PLEKHA5: variants seen among roughly 807,000 people sequenced by gnomAD.
PLEKHA5 encodes the protein pleckstrin homology domain containing A5.
A neutral mutation model predicts 181.9 loss-of-function variants in PLEKHA5; 55 were observed. That is an observed-to-expected ratio of 0.30 (90% CI 0.24 to 0.38). PLEKHA5 has a LOEUF of 0.38. Ranked by LOEUF, PLEKHA5 falls within the 10% of genes least tolerant of loss-of-function variation. The pLI is 1.00. For synonymous variants in PLEKHA5, 535 were observed against 529.4 expected, an observed-to-expected ratio of 1.01 and a Z score of -0.15; for missense variants, 1,432 against 1,549.5, an observed-to-expected ratio of 0.92 and a Z score of 1.27.
intron 3 of PLEKHA5, among the ~76,000 whole-genome samples, chr12:19,148,324 T>C (rs2039480808): frequency 6.6e-6 from 1 of 152,246 alleles, no homozygotes; most frequent in African/African-American, 2.4e-5. Flanking sequence ...CCCAAAGTGC[T>C]GGGATTACAG....
At chr12:19,277,153 G>A (rs1300682331) in intron 11 of PLEKHA5, among the ~76,000 whole-genome samples, 1 of 110,790 alleles carries the variant, frequency 9.0e-6, no homozygotes, top group Non-Finnish European at 1.9e-5. Context: ...AAGCAGGTCT[G>A]GGGGGAAAAA....
In PLEKHA5 at chr12:19,197,477, ACCACACTCCTGAG is replaced by A. The variant is rs2053101226; in HGVS notation, c.228-56454_228-56442del. Among the ~76,000 whole-genome samples, 3 of 152,074 alleles carry A rather than the reference ACCACACTCCTGAG, an allele frequency of 2.0e-5. No individual in the cohort carries two copies. The South Asian group carries it at 6.2e-4, about 31-fold the overall frequency. On this transcript the variant is annotated intron_variant, in intron 3 of 31. Coordinates refer to ENST00000429027, the MANE Select transcript of PLEKHA5 (RefSeq NM_001256470.2). The stretch of plus-strand genomic sequence containing the variant: ...ACTCCTCTTTAATTTCACTACGGTA[ACCACACTCCTGAG>A]CCACACTCTGCTTTTTCTTTCATAG...
chr12:19,292,842 G>A (rs1180145734), intron 15 of PLEKHA5, among the ~76,000 whole-genome samples: 1 of 152,088 alleles, frequency 6.6e-6, no homozygotes, highest in Non-Finnish European at 1.5e-5. Context: ...GGGAGGCTGA[G>A]GCAGGAGAAT....
chr12:19,208,419 A>AAAAG (rs1555107976), intron 3 of PLEKHA5, among the ~76,000 whole-genome samples: 1 of 150,328 alleles, frequency 6.7e-6, no homozygotes, highest in Non-Finnish European at 1.5e-5. Context: ...AAAAAAAAAA[A>AAAAG]AAGTTCATTT....
intron 3 of PLEKHA5, among the ~76,000 whole-genome samples, chr12:19,225,066 GT>G (rs1388499231): frequency 6.6e-6 from 1 of 152,174 alleles, no homozygotes; most frequent in East Asian, 1.9e-4. Flanking sequence ...CGGGATGGCA[GT>G]TTTAAGACAA....
chr12:19,253,667 A>G (rs976832622), intron 3 of PLEKHA5, among the ~76,000 whole-genome samples: 1 of 151,812 alleles, frequency 6.6e-6, no homozygotes, highest in Non-Finnish European at 1.5e-5. Flanking sequence ...AAATACAAAA[A>G]ATTAACTGGG....
At chr12:19,354,314 G>C (rs1422392968) in intron 26 of PLEKHA5, among the ~76,000 whole-genome samples, 1 of 148,196 alleles carries the variant, frequency 6.7e-6, no homozygotes, top group African/African-American at 2.5e-5. Flanking sequence ...ACCACGCCCG[G>C]CTAATTTTTT....
intron 12 of PLEKHA5, among the ~76,000 whole-genome samples, chr12:19,287,164 A>T (rs1302162837): frequency 1.3e-5 from 2 of 151,764 alleles, no homozygotes; most frequent in Non-Finnish European, 2.9e-5. Context: ...CACCTGGCTA[A>T]TTTTTTATAC....
At chr12:19,316,245 G>A (rs1156724832) in intron 16 of PLEKHA5, among the ~76,000 whole-genome samples, 4 of 151,992 alleles carry the variant, frequency 2.6e-5, no homozygotes, top group Admixed American at 2.0e-4. Context: ...ATCACATTTT[G>A]CATATTTTAG....
At position 19,347,178 on chromosome 12, in the gene PLEKHA5, A is replaced by C; in HGVS notation, c.2894A>C (p.His965Pro). 2 of 1,529,018 alleles carry C rather than the reference A, an allele frequency of 1.3e-6. No individual in the cohort carries two copies. The highest frequency in any genetic ancestry group is 1.8e-6 in the Non-Finnish European group (2 of 1,127,348). The allele number at this position is 1,529,018 out of a possible 1,614,324, so 94.7% of individuals were successfully genotyped here. A position where few individuals can be genotyped will look rare whatever the true frequency, so the allele number is the denominator to read the frequency against. Residue 965 changes from histidine (H) to proline (P), a missense_variant, in exon 24 of 32, where the codon CAC (histidine) becomes CCC (proline). This residue lies in a region of PLEKHA5 where 1,143 missense variants were observed against 1,168.4 expected (regional missense o/e 0.98). Coordinates refer to ENST00000429027, the MANE Select transcript of PLEKHA5 (RefSeq NM_001256470.2). ...CAAGGATATCCAAGAAATGGATCTC[A>C]CTGTGTAAGTGGCTGGAATAGCCAC... ...QVQGYPRNGS[H>P]CGPDYRLYKS...
At chr12:19,241,881 T>G (rs2062687307) in intron 3 of PLEKHA5, among the ~76,000 whole-genome samples, 1 of 152,152 alleles carries the variant, frequency 6.6e-6, no homozygotes, top group African/African-American at 2.4e-5. Flanking sequence ...GCAGTCAATA[T>G]CACTTAATTC....
chr12:19,241,377 A>C (rs369211010), intron 3 of PLEKHA5, among the ~76,000 whole-genome samples: 1 of 152,206 alleles, frequency 6.6e-6, no homozygotes, highest in East Asian at 1.9e-4. Context: ...GTCTTGTTAC[A>C]ATGAGGTGGA....
At chr12:19,364,617 G>A (rs921848671) in intron 29 of PLEKHA5, among the ~76,000 whole-genome samples, 3 of 152,142 alleles carry the variant, frequency 2.0e-5, no homozygotes, top group Non-Finnish European at 4.4e-5. Flanking sequence ...AATCTGACAA[G>A]GATCTTTATA....
chr12:19,178,790 T>A (rs2047892329), intron 3 of PLEKHA5, among the ~76,000 whole-genome samples: 1 of 152,234 alleles, frequency 6.6e-6, no homozygotes, highest in South Asian at 2.1e-4. Context: ...TATGCAGTGA[T>A]GTCTGTGGAT....
At chr12:19,248,723 A>T (rs746101515) in intron 3 of PLEKHA5, among the ~76,000 whole-genome samples, 12 of 152,172 alleles carry the variant, frequency 7.9e-5, no homozygotes, top group Non-Finnish European at 1.5e-4. Flanking sequence ...CACAACTAAA[A>T]TCACCTAATA....
At chr12:19,139,254 G>A (rs865845408) in intron 3 of PLEKHA5, among the ~76,000 whole-genome samples, 13 of 152,138 alleles carry the variant, frequency 8.5e-5, no homozygotes, top group African/African-American at 2.4e-4. Context: ...ACCCTTGACC[G>A]GAATAAAGGA....
chr12:19,130,063 G>A lies in PLEKHA5; in HGVS notation c.102G>A (p.Lys34=). Residue 34 remains lysine (K), a synonymous_variant, in exon 2 of 32, where the codon AAG becomes AAA. Coordinates refer to ENST00000429027, the MANE Select transcript of PLEKHA5 (RefSeq NM_001256470.2). The surrounding 1 kb of genome is among the most constrained non-coding windows in gnomAD (Gnocchi z 4.5). ...GRVFFINEEA[K]STTWLHPVTG... is the part of the protein sequence containing the mutation. ...CTCACCCCTGCAGCGAGGAGGCCAAGAGCACCACCTGGCTGCACCCCGTCA... is the reference window on the plus strand; with the variant it reads ...CTCACCCCTGCAGCGAGGAGGCCAAAAGCACCACCTGGCTGCACCCCGTCA... 1.9e-6 allele frequency: 3 copies of A among 1,590,792 alleles called. No homozygotes were observed. Among genetic ancestry groups the A allele is most frequent in the Non-Finnish European group, 2.6e-6 (3 of 1,170,060 alleles).
At chr12:19,329,382 AT>A (rs1042363137) in intron 20 of PLEKHA5, among the ~76,000 whole-genome samples, 3 of 151,948 alleles carry the variant, frequency 2.0e-5, no homozygotes, top group Admixed American at 2.0e-4. Context: ...CCTCCTCCTT[AT>A]TTTTTTGGAA....
At chr12:19,146,941 C>A (rs982816195) in intron 3 of PLEKHA5, 9 of 152,158 alleles carry the variant, frequency 5.9e-5, no homozygotes, top group Non-Finnish European at 1.2e-4. Flanking sequence ...TTGTCTTGCC[C>A]ATTTTAATAG....
Sources: allele counts gnomAD v4.1 joint callset (sites outside exome capture counted in the v4.1 genomes callset), GRCh38; gene constraint gnomAD v4.1.1; regional missense constraint gnomAD v4.1.1; non-coding constraint Gnocchi (gnomAD v3.1); transcripts MANE v1.5; gene names NCBI Gene and HGNC (gene_info 2026-07-23, HGNC 2026-07-21).